RARB: variants seen among roughly 807,000 people sequenced by gnomAD.
The protein encoded by RARB is HBV-activated protein.
Under a neutral mutation model 51.9 loss-of-function variants are expected in RARB, and 17 were observed. The observed-to-expected ratio is 0.33, with a 90% CI of 0.22 to 0.49. RARB has a LOEUF of 0.49. Ranked by LOEUF, RARB falls within the 20% of genes least tolerant of loss-of-function variation. The probability of loss-of-function intolerance (pLI) is 0.99; values close to 1 mark genes in which losing one functional copy is unlikely to be tolerated. For missense variants in RARB, 369 were observed against 550.8 expected (o/e 0.67, Z 3.30); for synonymous variants, 215 against 195.4 (o/e 1.10, Z -0.84).
intron 5 of RARB, among the ~76,000 whole-genome samples, chr3:25,264,347 G>T (rs1054447040): frequency 1.3e-5 from 2 of 151,412 alleles, no homozygotes; most frequent in Non-Finnish European, 2.9e-5. Context: ...TAATAGACAT[G>T]ATGGGCAAGA....
chr3:24,872,035 CT>C (rs1559378144), intron 2 of RARB, among the ~76,000 whole-genome samples: 1 of 152,098 alleles, frequency 6.6e-6, no homozygotes, highest in Non-Finnish European at 1.5e-5. Flanking sequence ...TCAATATAAC[CT>C]TTTAGTGTTT....
chr3:25,366,989 AAGG>A (rs760755600), intron 5 of RARB, among the ~76,000 whole-genome samples: 9 of 152,138 alleles, frequency 5.9e-5, no homozygotes, highest in Non-Finnish European at 8.8e-5. Context: ...GGATTGAAGA[AAGG>A]AGAGGAAAGG....
chr3:25,565,152 T>C (rs1232680000), intron 3 of RARB, among the ~76,000 whole-genome samples: 1 of 152,162 alleles, frequency 6.6e-6, no homozygotes, highest in Non-Finnish European at 1.5e-5. Flanking sequence ...GTACATGGGG[T>C]AGACTCAGAC....
At chr3:24,853,414 A>AAT (rs1425220564) in intron 1 of RARB, among the ~76,000 whole-genome samples, 2 of 152,220 alleles carry the variant, frequency 1.3e-5, no homozygotes, top group African/African-American at 4.8e-5. Flanking sequence ...CAACTAGTGA[A>AAT]ATACTTTTTA....
At chr3:25,322,000 T>C (rs927190743) in intron 5 of RARB, among the ~76,000 whole-genome samples, 4 of 151,180 alleles carry the variant, frequency 2.6e-5, no homozygotes, top group African/African-American at 9.7e-5. Context: ...GAAGGAAAAA[T>C]GTTTGTAGAA....
intron 5 of RARB, among the ~76,000 whole-genome samples, chr3:25,420,541 C>T (rs1400823220): frequency 6.6e-6 from 1 of 152,174 alleles, no homozygotes; most frequent in African/African-American, 2.4e-5. Flanking sequence ...CTTATTTCTG[C>T]CAGCACATTT....
chr3:24,919,775 C>A (rs2125386025), intron 2 of RARB, among the ~76,000 whole-genome samples: 1 of 152,274 alleles, frequency 6.6e-6, no homozygotes, highest in Non-Finnish European at 1.5e-5. Context: ...TTCATGGTGC[C>A]TTTAATTTCT....
At chr3:25,161,988 C>T (rs1393264124) in intron 4 of RARB, among the ~76,000 whole-genome samples, 1 of 152,210 alleles carries the variant, frequency 6.6e-6, no homozygotes, top group Admixed American at 6.5e-5. Context: ...ACAAGACAAT[C>T]TGGCCTCACA....
chr3:25,490,235 G>T (rs1051719894), intron 2 of RARB, among the ~76,000 whole-genome samples: 1 of 152,000 alleles, frequency 6.6e-6, no homozygotes, highest in Non-Finnish European at 1.5e-5. Flanking sequence ...TTCCAACATG[G>T]CCCTGAAAAT....
At chr3:25,243,379 C>G (rs1559520356) in intron 5 of RARB, among the ~76,000 whole-genome samples, 3 of 152,162 alleles carry the variant, frequency 2.0e-5, no homozygotes, top group Non-Finnish European at 4.4e-5. Context: ...ACATCCTTGT[C>G]TTGTGCTGGT....
chr3:25,468,372 C>CTTTT (rs34870919), intron 2 of RARB, among the ~76,000 whole-genome samples: 1,643 of 81,674 alleles, frequency 0.02, 30 homozygotes, highest in South Asian at 0.066. Context: ...GGCATTTGGG[C>CTTTT]TTTTTTTTTT....
chr3:25,397,016 T>C (rs1424566313), intron 5 of RARB, among the ~76,000 whole-genome samples: 2 of 152,092 alleles, frequency 1.3e-5, no homozygotes, highest in African/African-American at 4.8e-5. Flanking sequence ...ACTGCCATGG[T>C]TTCTTGCGCG....
chr3:25,196,312 C>A (rs904496755), intron 5 of RARB, among the ~76,000 whole-genome samples: 10 of 151,760 alleles, frequency 6.6e-5, no homozygotes, highest in Non-Finnish European at 1.0e-4. Context: ...TGAGTGAGAA[C>A]ATGTAGTGTT....
chr3:24,835,932 C>G (rs1348712041), intron 1 of RARB, among the ~76,000 whole-genome samples: 1 of 152,152 alleles, frequency 6.6e-6, no homozygotes, highest in Non-Finnish European at 1.5e-5. Flanking sequence ...CACAGACTGT[C>G]TCTTCAACGT....
At chr3:25,445,397 G>A (rs1708884737) in intron 1 of RARB, among the ~76,000 whole-genome samples, 2 of 152,178 alleles carry the variant, frequency 1.3e-5, no homozygotes, top group African/African-American at 4.8e-5. Flanking sequence ...CGGACGCATA[G>A]CTCACGCCTG....
intron 2 of RARB, among the ~76,000 whole-genome samples, chr3:24,863,430 G>C (rs1342462383): frequency 2.6e-5 from 4 of 152,160 alleles, no homozygotes; most frequent in African/African-American, 9.7e-5. Flanking sequence ...GTTCTTAAGT[G>C]TAATGGTTTA....
intron 3 of RARB, among the ~76,000 whole-genome samples, chr3:25,550,635 G>T (rs575625483): frequency 2.0e-4 from 30 of 152,272 alleles, no homozygotes; most frequent in African/African-American, 7.2e-4. Context: ...TTCATTTTAA[G>T]TTCTGGGATA....
chr3:24,916,020 T>C (rs150495947), intron 2 of RARB, among the ~76,000 whole-genome samples: 23 of 152,118 alleles, frequency 1.5e-4, no homozygotes, highest in African/African-American at 5.3e-4. Flanking sequence ...TAGAAAGCAA[T>C]CAAAAGCCTT....
At chr3:25,115,600 T>C (rs1699672236) in intron 3 of RARB, among the ~76,000 whole-genome samples, 1 of 151,808 alleles carries the variant, frequency 6.6e-6, no homozygotes, top group Non-Finnish European at 1.5e-5. Flanking sequence ...CTTTTTCTTC[T>C]TTTCTTTCTT....
Sources: gnomAD v4.1 joint callset for allele counts (sites outside exome capture counted in the v4.1 genomes callset) on GRCh38, gnomAD v4.1.1 for gene constraint, MANE v1.5 for transcripts, NCBI Gene and HGNC (gene_info 2026-07-23, HGNC 2026-07-21) for gene names.